PYHIN1: variants seen among roughly 807,000 people sequenced by gnomAD.
PYHIN1 encodes pyrin and HIN domain family member 1.
A neutral mutation model predicts 43.7 loss-of-function variants in PYHIN1; 32 were observed. The observed-to-expected ratio is 0.73, with a 90% CI of 0.55 to 0.98. The LOEUF is 0.98. Among genes scored for constraint, PYHIN1 ranks in the 50% least tolerant of loss-of-function variants. The probability of loss-of-function intolerance (pLI) is 0.00; values close to 1 mark genes in which losing one functional copy is unlikely to be tolerated. For missense variants in PYHIN1, 588 were observed against 589.5 expected (o/e 1.00, Z 0.03); for synonymous variants, 205 against 203.1 (o/e 1.01, Z -0.08).
At chr1:158,990,092 A>G in the PYHIN1 span, among the ~76,000 whole-genome samples, 9 of 152,176 alleles carry the variant, frequency 5.9e-5, no homozygotes, top group Non-Finnish European at 1.3e-4. Flanking sequence ...TCCACTCATG[A>G]TGTGAATATG....
At chr1:158,981,947 G>C (rs1651497269), downstream of PYHIN1, among the ~76,000 whole-genome samples, 1 of 152,110 alleles carries the variant, frequency 6.6e-6, no homozygotes, top group Admixed American at 6.6e-5. Flanking sequence ...CCTCTTTTGA[G>C]AAAGATCTAT....
intron 7 of PYHIN1, among the ~76,000 whole-genome samples, chr1:158,952,288 C>G (rs1649590912): frequency 6.6e-6 from 1 of 151,986 alleles, no homozygotes; most frequent in Admixed American, 6.6e-5. Flanking sequence ...GATTTGTGAG[C>G]TTCCCCGCTG....
In PYHIN1 at chr1:158,933,155, C is replaced by G. The variant is rs1648269345; in HGVS notation, c.-21+1379C>G. 6.6e-6 allele frequency among the ~76,000 whole-genome samples: 1 copy of G among 151,608 alleles called. No homozygotes were observed. The highest frequency in any genetic ancestry group is 2.4e-5 in the African/African-American group (1 of 41,342). On this transcript the variant is annotated intron_variant, in intron 1 of 8. Transcript: ENST00000368140. The surrounding 1 kb of genome is among the most constrained non-coding windows in gnomAD (Gnocchi z 6.3). ...CATATATATAATATATAGATATGCT[C>G]ACATGCATAGTTGTATAATGTATAT...
At chr1:158,986,841 G>A in the PYHIN1 span, among the ~76,000 whole-genome samples, 4 of 152,114 alleles carry the variant, frequency 2.6e-5, no homozygotes, top group East Asian at 3.9e-4. Context: ...AACTCTCTTG[G>A]CACTTTTAGC....
intron 7 of PYHIN1, among the ~76,000 whole-genome samples, chr1:158,971,638 T>G (rs1373575321): frequency 1.3e-5 from 2 of 152,056 alleles, no homozygotes; most frequent in Admixed American, 1.3e-4. Context: ...TTCTGGGTCC[T>G]GAAGTGCAAA....
At chr1:158,940,810 C>T (rs1648869246) in intron 4 of PYHIN1, among the ~76,000 whole-genome samples, 1 of 152,146 alleles carries the variant, frequency 6.6e-6, no homozygotes, top group Non-Finnish European at 1.5e-5. Context: ...TTCCAGCATC[C>T]ATAACATGCC....
rs1289638954 is a variant in PYHIN1, at chr1:158,976,915, T to TATAC, written c.*221_*222insTACA. On this transcript the variant is annotated 3_prime_UTR_variant, in exon 9 of 9. Transcript: ENST00000368140. ...ATATATATATATATATATATATATA[T>TATAC]ACCAGCTATTAATTCTAGGAAATGG... is the stretch of plus-strand genomic sequence containing the variant. 39 of 215,004 alleles carry TATAC rather than the reference T, an allele frequency of 1.8e-4. 1 individual carries two copies. The highest frequency in any genetic ancestry group is 1.0e-3 in the African/African-American group (36 of 35,502). The allele number at this position is 215,004 out of a possible 1,614,324, so 13.3% of individuals were successfully genotyped here.
chr1:158,961,819 A>G (rs1266920234), intron 7 of PYHIN1, among the ~76,000 whole-genome samples: 1 of 152,162 alleles, frequency 6.6e-6, no homozygotes, highest in Non-Finnish European at 1.5e-5. Flanking sequence ...GGATCCAAGT[A>G]TCCTGGAATT....
intron 7 of PYHIN1, among the ~76,000 whole-genome samples, chr1:158,968,894 G>A (rs1571779804): frequency 6.6e-6 from 1 of 151,926 alleles, no homozygotes; most frequent in East Asian, 1.9e-4. Context: ...GCGCCTACTT[G>A]AAGATGGAGG....
intron 7 of PYHIN1, among the ~76,000 whole-genome samples, chr1:158,954,999 C>A (rs1037927202): frequency 2.6e-5 from 4 of 151,916 alleles, no homozygotes; most frequent in Non-Finnish European, 5.9e-5. Flanking sequence ...TCAAAAGAGA[C>A]AAAGAAGGCC....
At chr1:158,951,435 T>C (rs1034011862) in intron 7 of PYHIN1, among the ~76,000 whole-genome samples, 8 of 152,124 alleles carry the variant, frequency 5.3e-5, no homozygotes, top group South Asian at 2.1e-4. Flanking sequence ...CTGCAATAAA[T>C]AGAGTAAGCA....
At chr1:158,936,568 G>C (rs560534416) in intron 1 of PYHIN1, among the ~76,000 whole-genome samples, 9 of 151,974 alleles carry the variant, frequency 5.9e-5, no homozygotes, top group African/African-American at 1.9e-4. Context: ...ACGTAATCCA[G>C]CATATAAACA....
chr1:158,934,399 G>A (rs1290346453), intron 1 of PYHIN1, among the ~76,000 whole-genome samples: 3 of 152,068 alleles, frequency 2.0e-5, no homozygotes, highest in Non-Finnish European at 4.4e-5. Flanking sequence ...ATGGGACTTT[G>A]GGCCAGCATT....
At chr1:158,980,127 A>G (rs1651438273), downstream of PYHIN1, among the ~76,000 whole-genome samples, 1 of 152,162 alleles carries the variant, frequency 6.6e-6, no homozygotes, top group South Asian at 2.1e-4. Flanking sequence ...AGGAACATAA[A>G]TTGTGAAGAT....
At chr1:158,944,651 A>C (rs1649120326) in intron 6 of PYHIN1, among the ~76,000 whole-genome samples, 1 of 152,204 alleles carries the variant, frequency 6.6e-6, no homozygotes, top group African/African-American at 2.4e-5. Flanking sequence ...CATTTTAAAA[A>C]ATAAGTGAAT....
intron 7 of PYHIN1, among the ~76,000 whole-genome samples, chr1:158,954,666 A>G (rs1481305685): frequency 2.7e-5 from 4 of 148,694 alleles, no homozygotes; most frequent in African/African-American, 4.9e-5. Context: ...TGTAAAGACC[A>G]TCGAGACTAG....
intron 7 of PYHIN1, among the ~76,000 whole-genome samples, chr1:158,959,220 C>T (rs1650175268): frequency 6.6e-6 from 1 of 152,152 alleles, no homozygotes; most frequent in African/African-American, 2.4e-5. Context: ...AGATATTCTG[C>T]CTGTCAGCTG....
chr1:158,977,830 C>A (rs1225931738), downstream of PYHIN1, among the ~76,000 whole-genome samples: 1 of 152,104 alleles, frequency 6.6e-6, no homozygotes, highest in African/African-American at 2.4e-5. Context: ...ACATCCAGGT[C>A]TGTTGTTCTG....
In PYHIN1 at chr1:158,942,040, A is replaced by G; in HGVS notation, c.643A>G (p.Ile215Val). The G allele has an allele frequency of 6.2e-7, 1 of 1,613,304 alleles. No individual in the cohort carries two copies. Among genetic ancestry groups the G allele is most frequent in the Non-Finnish European group, 8.5e-7 (1 of 1,179,692 alleles). Reference protein sequence around the residue: ...ASKNIFREDPIIAMVLNATKV... With the variant: ...ASKNIFREDPVIAMVLNATKV... ...TAAAAATATTTTCCGAGAAGACCCAATAATCGCGATGGTACTAAATGCAAC... is the reference window on the plus strand; with the variant it reads ...TAAAAATATTTTCCGAGAAGACCCAGTAATCGCGATGGTACTAAATGCAAC... Residue 215 changes from isoleucine (I) to valine (V), a missense_variant, in exon 5 of 9, where the codon ATA becomes GTA. Coordinates refer to ENST00000368140, the MANE Select transcript of PYHIN1 (RefSeq NM_152501.5).
Sources: allele counts gnomAD v4.1 joint callset (sites outside exome capture counted in the v4.1 genomes callset), GRCh38; gene constraint gnomAD v4.1.1; non-coding constraint Gnocchi (gnomAD v3.1); transcripts MANE v1.5; gene names NCBI Gene and HGNC (gene_info 2026-07-23, HGNC 2026-07-21).